Variants in C1QTNF1 observed in about 807,000 individuals in gnomAD.
The protein encoded by C1QTNF1 is C1q and TNF related 1, also known as complement C1q tumor necrosis factor-related protein 1.
Under a neutral mutation model 27.8 loss-of-function variants are expected in C1QTNF1, and 22 were observed. The ratio of observed to expected loss-of-function variants is 0.79; its 90% CI spans 0.56 to 1.13. The LOEUF is 1.13. Ranked by LOEUF, C1QTNF1 falls within the 50% of genes most tolerant of loss-of-function variation. C1QTNF1 has a pLI of 0.00. For synonymous variants in C1QTNF1, 166 were observed against 154.3 expected, an observed-to-expected ratio of 1.08 and a Z score of -0.56; for missense variants, 373 against 380.2, an observed-to-expected ratio of 0.98 and a Z score of 0.16.
At chr17:79,042,126 G>T (rs1193974343) in intron 1 of C1QTNF1, among the ~76,000 whole-genome samples, 6 of 152,188 alleles carry the variant, frequency 3.9e-5, no homozygotes, top group Non-Finnish European at 5.9e-5. Flanking sequence ...GTGTTCCCAC[G>T]GGGCCTGCGA....
chr17:79,035,783 T>C (rs1443720359), intron 1 of C1QTNF1, among the ~76,000 whole-genome samples: 1 of 152,140 alleles, frequency 6.6e-6, no homozygotes, highest in Non-Finnish European at 1.5e-5. Context: ...AGTCCTATCT[T>C]ATGCCAAGTT....
chr17:79,038,253 G>A (rs991989693), intron 1 of C1QTNF1, among the ~76,000 whole-genome samples: 1 of 152,238 alleles, frequency 6.6e-6, no homozygotes, highest in East Asian at 1.9e-4. Context: ...GCCTCCCAAA[G>A]TGTTGGGATT....
chr17:79,046,600 G>T lies in C1QTNF1; in HGVS notation c.201G>T (p.Gly67=), dbSNP rs746413095. The T allele has an allele frequency of 5.6e-6, 9 of 1,614,104 alleles. 1 individual carries two copies. In the Admixed American group the frequency reaches 1.5e-4, roughly 27 times the overall value. Residue 67 remains glycine (G), a synonymous_variant, in exon 3 of 4, where the codon GGG becomes GGT. Coordinates refer to ENST00000579760, the MANE Select transcript of C1QTNF1 (RefSeq NM_030968.5). This position sits in a 1 kb window ranked among gnomAD's most constrained non-coding sequence, Gnocchi z 4.8. The part of the protein sequence containing the change: ...HEKYRPSQDQ[G]LPASRCLRCC... ...AATACAGGCCCAGTCAGGACCAGGGGCTCCCTGCTTCCCGGTGCTTGCGCT... is the reference window on the plus strand; with the variant it reads ...AATACAGGCCCAGTCAGGACCAGGGTCTCCCTGCTTCCCGGTGCTTGCGCT...
intron 1 of C1QTNF1, among the ~76,000 whole-genome samples, chr17:79,040,368 G>A (rs1298929263): frequency 7.2e-5 from 11 of 152,210 alleles, no homozygotes; most frequent in African/African-American, 2.7e-4. Flanking sequence ...GAGAGGTTGA[G>A]GTGGGCAGAT....
At chr17:79,029,096 A>G (rs2072057709) in intron 1 of C1QTNF1, among the ~76,000 whole-genome samples, 1 of 152,168 alleles carries the variant, frequency 6.6e-6, no homozygotes, top group Non-Finnish European at 1.5e-5. Context: ...GCACTCGGTA[A>G]TCCTCTGTTG....
intron 1 of C1QTNF1, among the ~76,000 whole-genome samples, chr17:79,026,465 T>C (rs2071965144): frequency 6.6e-6 from 1 of 152,220 alleles, no homozygotes; most frequent in Non-Finnish European, 1.5e-5. Flanking sequence ...CCGGGGCGTA[T>C]ACTTTTAACC....
In C1QTNF1 at chr17:79,048,065, G is replaced by A. The variant is rs764689983; in HGVS notation, c.823G>A (p.Val275Ile). The change falls in exon 4 of 4, where the codon GTC (valine) becomes ATC (isoleucine). Residue 275 changes from valine (V) to isoleucine (I), a missense_variant. Val to Ile is a conservative substitution (Grantham distance 29). Transcript: ENST00000579760. ...CTACATCACCTTCAGTGGCTACCTG[G>A]TCAAGCACGCCACCGAGCCCTAGCT... The part of the protein sequence containing the change: ...DTYITFSGYL[V>I]KHATEP 6.4e-7 allele frequency: 1 copy of A among 1,573,132 alleles called. No individual in the cohort carries two copies. The highest frequency in any genetic ancestry group is 8.6e-7 in the Non-Finnish European group (1 of 1,163,376).
chr17:79,025,835 T>C, intron 1 of C1QTNF1: 1 of 375,158 alleles, frequency 2.7e-6, no homozygotes, highest in Non-Finnish European at 5.5e-6. Context: ...GCTGCAGAGC[T>C]GGAGAGGCCC....
At chr17:79,043,186 TA>T in intron 1 of C1QTNF1, 1 of 450,194 alleles carries the variant, frequency 2.2e-6, no homozygotes, top group South Asian at 1.6e-5. Context: ...TGAGTGCATG[TA>T]AAAGTGTGCA....
intron 1 of C1QTNF1, among the ~76,000 whole-genome samples, chr17:79,029,832 G>A (rs534190947): frequency 3.9e-5 from 6 of 152,292 alleles, no homozygotes; most frequent in African/African-American, 1.4e-4. Flanking sequence ...TGCTGTTCCT[G>A]GTCCTAACAC....
At chr17:79,044,263 G>T (rs2072508163) in intron 2 of C1QTNF1, 140 bp downstream of exon 2, 1 of 993,930 alleles carries the variant, frequency 1.0e-6, no homozygotes, top group Admixed American at 2.9e-5. Flanking sequence ...CCTGCTGGAG[G>T]CTGGTCCTGC....
intron 1 of C1QTNF1, among the ~76,000 whole-genome samples, chr17:79,038,858 C>T (rs937817584): frequency 2.0e-5 from 3 of 152,328 alleles, no homozygotes; most frequent in East Asian, 1.9e-4. Flanking sequence ...CATGTTATGA[C>T]GCTGGCTTTG....
At chr17:79,035,669 G>A (rs981521488) in intron 1 of C1QTNF1, among the ~76,000 whole-genome samples, 9 of 152,176 alleles carry the variant, frequency 5.9e-5, no homozygotes, top group African/African-American at 2.2e-4. Context: ...GGCCTCAAGT[G>A]ATCTGCCCAC....
Position 79,030,475 on chromosome 17 carries a change from CTTTCTTTCTT to C in C1QTNF1, c.-15+5993_-15+6002del, listed in dbSNP as rs1426788640. ...CTTTCTTTCTTTTCTTTCTTTCTTT[CTTTCTTTCTT>C]TTTCTTTCTTTCTTTCTTTCTTTCT... is the stretch of plus-strand genomic sequence containing the variant. On this transcript the variant is annotated intron_variant, in intron 1 of 3. Transcript: ENST00000579760. Among the ~76,000 whole-genome samples, 1,002 of 109,078 alleles carry C rather than the reference CTTTCTTTCTT, an allele frequency of 9.2e-3. 15 individuals carry two copies. The highest frequency in any genetic ancestry group is 0.031 in the African/African-American group (898 of 29,054). The allele number at this position is 109,078 out of a possible 152,430, so 71.6% of individuals were successfully genotyped here.
chr17:79,046,475 A>G lies in C1QTNF1; in HGVS notation c.156-80A>G. 6.3e-7 allele frequency: 1 copy of G among 1,586,188 alleles called. No homozygotes were observed. ...AGTGAGAAGGCAGGTCAGGCATGCC[A>G]GAACCACTGGCAGCAGGAGAGAGCA... On this transcript the variant is annotated intron_variant, in intron 2 of 3. Coordinates refer to ENST00000579760, the MANE Select transcript of C1QTNF1 (RefSeq NM_030968.5). The surrounding 1 kb of genome is among the most constrained non-coding windows in gnomAD (Gnocchi z 4.8).
At chr17:79,023,704 G>GCGTGCGCACACACACA (rs1267428917), upstream of C1QTNF1, among the ~76,000 whole-genome samples, 19 of 145,030 alleles carry the variant, frequency 1.3e-4, no homozygotes, top group South Asian at 4.3e-3. Context: ...GCGCGCGCGC[G>GCGTGCGCACACACACA]CACACACACA....
At chr17:79,024,517 C>G (rs2071870171) in intron 1 of C1QTNF1, 23 bp downstream of exon 1, 1 of 152,290 alleles carries the variant, frequency 6.6e-6, no homozygotes, top group African/African-American at 2.4e-5. Context: ...GCCGGGGGAC[C>G]CAGCGCTGCC....
chr17:79,048,114 G>A lies in C1QTNF1; in HGVS notation c.*26G>A, dbSNP rs778922838. On this transcript the variant is annotated 3_prime_UTR_variant, in exon 4 of 4. Transcript: ENST00000579760. ...CTGGCCGGCCACCTCCTTTCCTCTC[G>A]CCACCTTCCACCCCTGCGCTGTGCT... The A allele has an allele frequency of 1.5e-6, 2 of 1,343,620 alleles. No individual in the cohort carries two copies. Among genetic ancestry groups the A allele is most frequent in the South Asian group, 1.4e-5 (1 of 69,254 alleles). The allele number at this position is 1,343,620 out of a possible 1,614,324, so 83.2% of individuals were successfully genotyped here.
chr17:79,027,141 C>T (rs1395156708), intron 1 of C1QTNF1, among the ~76,000 whole-genome samples: 1 of 151,954 alleles, frequency 6.6e-6, no homozygotes, highest in Non-Finnish European at 1.5e-5. Context: ...TGACGGACAC[C>T]AGGAAGGGCA....
Sources: gnomAD v4.1 joint callset for allele counts (sites outside exome capture counted in the v4.1 genomes callset) on GRCh38, gnomAD v4.1.1 for gene constraint, Gnocchi (gnomAD v3.1) non-coding constraint, MANE v1.5 for transcripts, NCBI Gene and HGNC (gene_info 2026-07-23, HGNC 2026-07-21) for gene names.